Variants in CTNNA2 observed in about 807,000 individuals in gnomAD.
CTNNA2 encodes the protein catenin alpha 2.
In CTNNA2, 42 loss-of-function variants were observed where a neutral mutation model predicts 101.0. The observed-to-expected ratio is 0.42, with a 90% confidence interval of 0.32 to 0.54. The LOEUF (loss-of-function observed/expected upper bound fraction) is 0.54, where lower values mean the gene tolerates loss of function less well. Ranked by LOEUF, CTNNA2 falls within the 20% of genes least tolerant of loss-of-function variation. The pLI, the probability that CTNNA2 is intolerant of heterozygous loss-of-function variation, is 0.14. For missense variants in CTNNA2, 871 were observed against 1,223.1 expected, an observed-to-expected ratio of 0.71 and a Z score of 4.29; for synonymous variants, 450 against 456.4, an observed-to-expected ratio of 0.99 and a Z score of 0.18.
chr2:80,352,455 A>G (rs965261600), intron 7 of CTNNA2, among the ~76,000 whole-genome samples: 1 of 152,148 alleles, frequency 6.6e-6, no homozygotes, highest in African/African-American at 2.4e-5. Context: ...AAACTCAACT[A>G]TAGTTGGTGA....
At chr2:79,419,174 T>A (rs1243028807) in intron 4 of CTNNA2, among the ~76,000 whole-genome samples, 6 of 152,202 alleles carry the variant, frequency 3.9e-5, no homozygotes. Context: ...TGTTACTTAC[T>A]AGCTTTGTGA....
At chr2:80,154,157 C>G (rs1309543211) in intron 7 of CTNNA2, among the ~76,000 whole-genome samples, 1 of 152,108 alleles carries the variant, frequency 6.6e-6, no homozygotes, top group Non-Finnish European at 1.5e-5. Context: ...GCACTGCCAC[C>G]CACATTTAGT....
intron 7 of CTNNA2, among the ~76,000 whole-genome samples, chr2:80,218,061 A>G (rs953456773): frequency 6.6e-6 from 1 of 152,274 alleles, no homozygotes; most frequent in Non-Finnish European, 1.5e-5. Context: ...GCATAACACC[A>G]ATCAGCTAGA....
chr2:79,526,976 C>T (rs1672442359), intron 1 of CTNNA2, among the ~76,000 whole-genome samples: 1 of 151,916 alleles, frequency 6.6e-6, no homozygotes, highest in African/African-American at 2.4e-5. Context: ...ACACCCAAAG[C>T]TCAAGCAATA....
At chr2:80,015,445 T>C (rs182385593) in intron 7 of CTNNA2, among the ~76,000 whole-genome samples, 11 of 152,258 alleles carry the variant, frequency 7.2e-5, no homozygotes, top group Admixed American at 7.2e-4. Flanking sequence ...CCATGAAAGC[T>C]GTCACCCTGA....
chr2:79,215,826 T>C lies in CTNNA2; in HGVS notation c.-406+17750T>C, dbSNP rs534840152. ...GACCGGGTGTGAGGAGGGGAGGTGATAAAAGGATTATAGGGTGGAGGAGCA... is the reference window on the plus strand; with the variant it reads ...GACCGGGTGTGAGGAGGGGAGGTGACAAAAGGATTATAGGGTGGAGGAGCA... On this transcript the variant is annotated intron_variant, in intron 2 of 21. Transcript: ENST00000466387. Among the ~76,000 whole-genome samples, 4 of 152,022 alleles carry C rather than the reference T, an allele frequency of 2.6e-5. No homozygotes were observed. In the South Asian group the frequency reaches 6.2e-4, roughly 24 times the overall value.
chr2:80,335,202 T>C (rs904954067), intron 7 of CTNNA2, among the ~76,000 whole-genome samples: 2 of 152,198 alleles, frequency 1.3e-5, no homozygotes, highest in African/African-American at 4.8e-5. Flanking sequence ...AAGTGCCACC[T>C]GGAAAGGATG....
chr2:80,230,186 G>T (rs550523860), intron 7 of CTNNA2, among the ~76,000 whole-genome samples: 1 of 150,078 alleles, frequency 6.7e-6, no homozygotes, highest in African/African-American at 2.4e-5. Flanking sequence ...AGATTTCTTA[G>T]AACTTATTCC....
At chr2:79,901,293 G>T (rs1400647168) in intron 6 of CTNNA2, among the ~76,000 whole-genome samples, 1 of 150,832 alleles carries the variant, frequency 6.6e-6, no homozygotes, top group African/African-American at 2.4e-5. Context: ...TCTTCTGCTT[G>T]CTTGATTCAA....
intron 3 of CTNNA2, among the ~76,000 whole-genome samples, chr2:79,802,237 G>C (rs1676222908): frequency 6.6e-6 from 1 of 152,122 alleles, no homozygotes; most frequent in South Asian, 2.1e-4. Context: ...TGAAACAATA[G>C]AGGGATCACA....
rs34088328 is a variant in CTNNA2 at position 80,648,601 on chromosome 2, C to CT, written c.*734dup. On this transcript the variant is annotated 3_prime_UTR_variant, in exon 19 of 19. Coordinates refer to ENST00000402739, the MANE Select transcript of CTNNA2 (RefSeq NM_001282597.3). ...ACCAATCTTGCTTTCATTTTTTTTT[C>CT]TTTTTAATTTGAACCATGATTTTGC... is the stretch of plus-strand genomic sequence containing the variant. 0.32 allele frequency: 48,975 copies of CT among 151,234 alleles called. 9,233 individuals carry two copies. Among genetic ancestry groups the CT allele is most frequent in the East Asian group, 0.52 (2,646 of 5,092 alleles). 9.4% of individuals were successfully genotyped at this position (151,234 alleles called of 1,614,324 possible).
chr2:79,354,171 A>G (rs1470116830), intron 3 of CTNNA2, among the ~76,000 whole-genome samples: 1 of 152,028 alleles, frequency 6.6e-6, no homozygotes, highest in African/African-American at 2.4e-5. Flanking sequence ...ATTGTTTTTT[A>G]TAGTATCTCA....
At chr2:79,216,891 G>A (rs545709055) in intron 2 of CTNNA2, among the ~76,000 whole-genome samples, 13 of 152,240 alleles carry the variant, frequency 8.5e-5, no homozygotes, top group African/African-American at 3.1e-4. Context: ...ATCCCCACGT[G>A]GTCAGACACC....
intron 3 of CTNNA2, among the ~76,000 whole-genome samples, chr2:79,824,424 G>A (rs981241001): frequency 1.3e-5 from 2 of 152,082 alleles, no homozygotes; most frequent in Admixed American, 6.5e-5. Context: ...AGAGCATCAC[G>A]ATCAATCTTA....
At chr2:79,342,075 A>G (rs1677150965) in intron 3 of CTNNA2, among the ~76,000 whole-genome samples, 1 of 152,218 alleles carries the variant, frequency 6.6e-6, no homozygotes, top group Admixed American at 6.5e-5. Context: ...GGGCAGAGCA[A>G]GTGTCCCAGT....
At position 79,744,507 on chromosome 2, in the gene CTNNA2, G is replaced by C; in HGVS notation, c.223G>C (p.Gly75Arg). Reference protein sequence around the residue: ...EQATQNFLEKGEQIAKESQDL... With the variant: ...EQATQNFLEKREQIAKESQDL... Reference sequence around the variant, plus strand: ...AGCCACTCAGAATTTCCTGGAAAAGGGTGAACAGATCGCTAAGGAGAGTCA... The same window carrying C: ...AGCCACTCAGAATTTCCTGGAAAAGCGTGAACAGATCGCTAAGGAGAGTCA... The change falls in exon 3 of 19, where the codon GGT (glycine) becomes CGT (arginine). Residue 75 changes from glycine (G) to arginine (R), a missense_variant. By Grantham distance (125) the Gly-to-Arg change is moderately radical. Transcript: ENST00000402739. 1 of 1,614,004 alleles carries C rather than the reference G, an allele frequency of 6.2e-7. No individual in the cohort carries two copies. Among genetic ancestry groups the C allele is most frequent in the Non-Finnish European group, 8.5e-7 (1 of 1,179,932 alleles).
chr2:79,641,526 G>A (rs1680448978), intron 1 of CTNNA2, among the ~76,000 whole-genome samples: 1 of 152,152 alleles, frequency 6.6e-6, no homozygotes, highest in Non-Finnish European at 1.5e-5. Context: ...CTGAATTGCG[G>A]TGTTGCTGAA....
chr2:79,565,121 G>A (rs1396653725), intron 1 of CTNNA2, among the ~76,000 whole-genome samples: 1 of 152,070 alleles, frequency 6.6e-6, no homozygotes, highest in African/African-American at 2.4e-5. Context: ...AAATGATCTT[G>A]ATGGTCTGGT....
intron 2 of CTNNA2, among the ~76,000 whole-genome samples, chr2:79,681,159 A>G (rs1476735406): frequency 4.6e-5 from 7 of 152,156 alleles, no homozygotes; most frequent in African/African-American, 1.7e-4. Flanking sequence ...TGTCTCACAT[A>G]CACACACAAA....
Sources: allele counts gnomAD v4.1 joint callset (sites outside exome capture counted in the v4.1 genomes callset), GRCh38; gene constraint gnomAD v4.1.1; transcripts MANE v1.5; gene names NCBI Gene and HGNC (gene_info 2026-07-23, HGNC 2026-07-21).